The following TPST1 variants were observed in gnomAD, a reference collection of about 807,000 sequenced individuals.
The protein encoded by TPST1 is tyrosylprotein sulfotransferase 1.
A neutral mutation model predicts 34.8 loss-of-function variants in TPST1; 20 were observed. The ratio of observed to expected loss-of-function variants is 0.57; its 90% confidence interval spans 0.40 to 0.84. The LOEUF is 0.84. TPST1 is among the 40% of genes least tolerant of loss of function. The probability of loss-of-function intolerance (pLI) is 0.00; values close to 1 mark genes in which losing one functional copy is unlikely to be tolerated. For missense variants in TPST1, 353 were observed against 455.5 expected (o/e 0.78, Z 2.05); for synonymous variants, 152 against 159.4 (o/e 0.95, Z 0.35).
intron 3 of TPST1, among the ~76,000 whole-genome samples, chr7:66,330,429 C>G: frequency 6.6e-6 from 1 of 152,160 alleles, no homozygotes; most frequent in South Asian, 2.1e-4. Context: ...TCCTTTTAAA[C>G]CATCTTTCCC....
At chr7:66,299,931 A>G (rs1021160209) in intron 3 of TPST1, among the ~76,000 whole-genome samples, 5 of 152,214 alleles carry the variant, frequency 3.3e-5, no homozygotes, top group African/African-American at 7.2e-5. Flanking sequence ...GAATATCCCA[A>G]TAAAGCAAGT....
chr7:66,357,693 C>G (rs1315339886), intron 5 of TPST1, among the ~76,000 whole-genome samples: 1 of 152,210 alleles, frequency 6.6e-6, no homozygotes, highest in African/African-American at 2.4e-5. Context: ...CCCAGACTTT[C>G]AGTCTCTGCT....
At chr7:66,268,464 C>G (rs538286028) in intron 2 of TPST1, among the ~76,000 whole-genome samples, 2 of 151,968 alleles carry the variant, frequency 1.3e-5, no homozygotes, top group Admixed American at 6.6e-5. Context: ...CCAAACATAT[C>G]GGAATTTAAG....
chr7:66,333,498 C>T (rs1584248288), intron 3 of TPST1, among the ~76,000 whole-genome samples: 1 of 152,186 alleles, frequency 6.6e-6, no homozygotes, highest in Admixed American at 6.5e-5. Flanking sequence ...AAAGCAATCT[C>T]TGTGTCACTC....
intron 2 of TPST1, among the ~76,000 whole-genome samples, 166 bp from the exon 3 acceptor site, chr7:66,286,344 AT>A (rs1209138157): frequency 6.6e-6 from 1 of 152,124 alleles, no homozygotes; most frequent in Non-Finnish European, 1.5e-5. Flanking sequence ...ATCTTAAATT[AT>A]TTTTTAATTC....
At chr7:66,249,202 T>A (rs10261710) in intron 2 of TPST1, among the ~76,000 whole-genome samples, 32,121 of 151,920 alleles carry the variant, frequency 0.21, 3,831 homozygotes, top group East Asian at 0.36. Flanking sequence ...CTGTTTTTTT[T>A]AAAAAAATTC....
Position 66,271,011 on chromosome 7 carries a change from C to G in TPST1, c.846-15500C>G, listed in dbSNP as rs142346254. On this transcript the variant is annotated intron_variant, in intron 2 of 5. Coordinates refer to ENST00000304842, the MANE Select transcript of TPST1 (RefSeq NM_003596.4). ...TTGGTTGCCCAGGGTTACAGCTTTT[C>G]ATATACAAAAAGCATAATAAATACT... Among the ~76,000 whole-genome samples the G allele has an allele frequency of 3.3e-5, 5 of 152,292 alleles. No homozygotes were observed. The East Asian group carries it at 9.6e-4, about 29-fold the overall frequency.
At chr7:66,349,082 G>T (rs1169658588) in intron 3 of TPST1, among the ~76,000 whole-genome samples, 1 of 152,188 alleles carries the variant, frequency 6.6e-6, no homozygotes, top group Non-Finnish European at 1.5e-5. Flanking sequence ...TTTCACCATA[G>T]ATTTGCTAAA....
intron 2 of TPST1, among the ~76,000 whole-genome samples, chr7:66,245,935 G>T (rs1790137713): frequency 6.6e-6 from 1 of 152,052 alleles, no homozygotes; most frequent in Admixed American, 6.6e-5. Flanking sequence ...CAGAGAACAA[G>T]TCTGTTTATT....
intron 1 of TPST1, among the ~76,000 whole-genome samples, chr7:66,217,640 G>A (rs147232088): frequency 0.011 from 1,651 of 152,248 alleles, 17 homozygotes; most frequent in Non-Finnish European, 0.018. Flanking sequence ...CTGTCGCCCA[G>A]GCTGGAGTGC....
intron 5 of TPST1, 23 bp downstream of exon 5, chr7:66,356,894 A>G: frequency 1.2e-6 from 2 of 1,613,492 alleles, no homozygotes; most frequent in Non-Finnish European, 1.7e-6. Flanking sequence ...GGACATTGCC[A>G]GGTCTTTCTG....
intron 3 of TPST1, among the ~76,000 whole-genome samples, chr7:66,295,789 G>A (rs923031330): frequency 3.3e-5 from 5 of 151,988 alleles, no homozygotes; most frequent in African/African-American, 7.2e-5. Flanking sequence ...ATGCTACCAC[G>A]CCTGGCTAAT....
chr7:66,265,381 C>T (rs1207888597), intron 2 of TPST1, among the ~76,000 whole-genome samples: 1 of 151,930 alleles, frequency 6.6e-6, no homozygotes, highest in Non-Finnish European at 1.5e-5. Flanking sequence ...GAAACCCTGT[C>T]TCTACAAAAA....
At chr7:66,336,151 A>G (rs1357770812) in intron 3 of TPST1, among the ~76,000 whole-genome samples, 1 of 152,178 alleles carries the variant, frequency 6.6e-6, no homozygotes, top group Non-Finnish European at 1.5e-5. Flanking sequence ...TCTACTAAAA[A>G]TACAAAAAAT....
intron 1 of TPST1, among the ~76,000 whole-genome samples, chr7:66,236,683 C>T (rs1255457594): frequency 1.3e-5 from 2 of 152,172 alleles, no homozygotes; most frequent in Non-Finnish European, 2.9e-5. Context: ...GTTTCACAGG[C>T]GTGTTCCCCA....
chr7:66,331,354 G>T (rs894338199), intron 3 of TPST1, among the ~76,000 whole-genome samples: 3 of 152,166 alleles, frequency 2.0e-5, no homozygotes, highest in African/African-American at 7.2e-5. Flanking sequence ...ACAAGGTCAT[G>T]TTCTTCATAA....
intron 3 of TPST1, among the ~76,000 whole-genome samples, chr7:66,343,444 C>T (rs1468851415): frequency 6.6e-6 from 1 of 152,100 alleles, no homozygotes; most frequent in South Asian, 2.1e-4. Flanking sequence ...GAAAAGCTGC[C>T]TATTGGGTAC....
At chr7:66,273,979 T>G (rs1037297086) in intron 2 of TPST1, among the ~76,000 whole-genome samples, 1 of 151,892 alleles carries the variant, frequency 6.6e-6, no homozygotes, top group Non-Finnish European at 1.5e-5. Flanking sequence ...ATTTTTGTTG[T>G]TGTTTTCTTT....
intron 1 of TPST1, among the ~76,000 whole-genome samples, chr7:66,225,375 G>T (rs554916147): frequency 3.3e-5 from 5 of 151,906 alleles, no homozygotes; most frequent in African/African-American, 9.6e-5. Context: ...GCTTTGGGAG[G>T]CTGAGGCGGG....
Sources: gnomAD v4.1 joint callset for allele counts (sites outside exome capture counted in the v4.1 genomes callset) on GRCh38, gnomAD v4.1.1 for gene constraint, MANE v1.5 for transcripts, NCBI Gene and HGNC (gene_info 2026-07-23, HGNC 2026-07-21) for gene names.